The following ARHGAP18 variants were observed in gnomAD, a reference collection of about 807,000 sequenced individuals.
ARHGAP18 encodes the protein rho GTPase-activating protein 18.
In ARHGAP18, 67 loss-of-function variants were observed where a neutral mutation model predicts 86.2. That is an observed-to-expected ratio of 0.78 (90% CI 0.64 to 0.95). The LOEUF is 0.95. Among genes scored for constraint, ARHGAP18 ranks in the 40% least tolerant of loss-of-function variants. The pLI, the probability that ARHGAP18 is intolerant of heterozygous loss-of-function variation, is 0.00. For synonymous variants in ARHGAP18, 283 were observed against 280.4 expected (o/e 1.01, Z -0.09); for missense variants, 691 against 780.4 (o/e 0.89, Z 1.37).
intron 1 of ARHGAP18, among the ~76,000 whole-genome samples, chr6:129,682,059 A>T (rs1301218582): frequency 6.6e-6 from 1 of 152,216 alleles, no homozygotes; most frequent in Non-Finnish European, 1.5e-5. Context: ...CAGAATCATT[A>T]TGTGGTTTTT....
intron 1 of ARHGAP18, among the ~76,000 whole-genome samples, chr6:129,670,705 T>A (rs930665222): frequency 2.3e-5 from 3 of 133,142 alleles, no homozygotes; most frequent in Non-Finnish European, 4.8e-5. Flanking sequence ...TTTTTTTTTT[T>A]ACTGCCTCCC....
chr6:129,626,506 G>A (rs1789476179), intron 5 of ARHGAP18, among the ~76,000 whole-genome samples: 1 of 151,898 alleles, frequency 6.6e-6, no homozygotes, highest in South Asian at 2.1e-4. Context: ...GAAATTTCAA[G>A]AAAAGCAATC....
chr6:129,695,961 T>A (rs1774609975), intron 1 of ARHGAP18, among the ~76,000 whole-genome samples: 1 of 152,088 alleles, frequency 6.6e-6, no homozygotes, highest in African/African-American at 2.4e-5. Flanking sequence ...TAGTAATAAG[T>A]ATAGTGAGGT....
intron 5 of ARHGAP18, 28 bp downstream of exon 5, chr6:129,629,325 G>C: frequency 6.3e-7 from 1 of 1,595,412 alleles, no homozygotes; most frequent in Non-Finnish European, 8.6e-7. Flanking sequence ...GTACATATAT[G>C]TATATTTATA....
intron 8 of ARHGAP18, among the ~76,000 whole-genome samples, chr6:129,611,325 G>A (rs1788974880): frequency 6.6e-6 from 1 of 151,992 alleles, no homozygotes; most frequent in South Asian, 2.1e-4. Flanking sequence ...GTAATATGGT[G>A]ATTTTGAAAA....
At chr6:129,702,564 G>A (rs1466494903) in intron 1 of ARHGAP18, among the ~76,000 whole-genome samples, 1 of 152,162 alleles carries the variant, frequency 6.6e-6, no homozygotes, top group African/African-American at 2.4e-5. Flanking sequence ...TGTCATACCT[G>A]GTCTAGCAAC....
At position 129,676,980 on chromosome 6, in the gene ARHGAP18, A is replaced by C. The variant is rs965690514; in HGVS notation, c.113+33044T>G. Reference sequence around the variant, plus strand: ...GGAAAATAGAGGATTCCGGGACAGTAACACCGCTGAATTTTTGTATCACTA... The same window carrying C: ...GGAAAATAGAGGATTCCGGGACAGTCACACCGCTGAATTTTTGTATCACTA... On this transcript the variant is annotated intron_variant, in intron 1 of 14. Coordinates refer to ENST00000368149, the MANE Select transcript of ARHGAP18 (RefSeq NM_033515.3). Among the ~76,000 whole-genome samples the C allele has an allele frequency of 2.2e-5, 3 of 138,680 alleles. No individual in the cohort carries two copies. In the East Asian group the frequency reaches 6.4e-4, roughly 29 times the overall value. The allele number at this position is 138,680 out of a possible 152,430, so 91.0% of individuals were successfully genotyped here. A position where few individuals can be genotyped will look rare whatever the true frequency, so the allele number is the denominator to read the frequency against.
rs190006516 is a variant in ARHGAP18, at chr6:129,629,490, G to A, written c.649C>T (p.Leu217=). ...GCAGGCGTCTCCTCAGGTGGGATCA[G>A]CTTCTCTTCACCAACAAGGTTAGAT... ...EASNLVGEEK[L]IPPEETPAPE... Residue 217 remains leucine (L), a synonymous_variant, in exon 5 of 15, where the codon CTG becomes TTG. Coordinates refer to ENST00000368149, the MANE Select transcript of ARHGAP18 (RefSeq NM_033515.3). 5.0e-6 allele frequency: 8 copies of A among 1,613,426 alleles called. No homozygotes were observed. Among genetic ancestry groups the A allele is most frequent in the Non-Finnish European group, 6.8e-6 (8 of 1,179,716 alleles).
chr6:129,657,581 C>T (rs1419550832), intron 1 of ARHGAP18, among the ~76,000 whole-genome samples: 1 of 152,170 alleles, frequency 6.6e-6, no homozygotes, highest in Non-Finnish European at 1.5e-5. Context: ...AAACACAGGG[C>T]AACCATCTGC....
At position 129,600,630 on chromosome 6, in the gene ARHGAP18, A is replaced by T. The variant is rs1257402578; in HGVS notation, c.1572+12T>A. 6.3e-7 allele frequency: 1 copy of T among 1,599,844 alleles called. No individual in the cohort carries two copies. ...TAAACTACTAAGACCAAAGCATATG[A>T]TATATACTTACTGTCCACAGAAGTT... is the stretch of plus-strand genomic sequence containing the variant. On this transcript the variant is annotated intron_variant, in intron 11 of 14. Transcript: ENST00000368149.
intron 1 of ARHGAP18, among the ~76,000 whole-genome samples, chr6:129,643,342 C>T (rs1049506584): frequency 2.6e-5 from 4 of 152,226 alleles, no homozygotes; most frequent in African/African-American, 9.6e-5. Flanking sequence ...ATGCTGTTCT[C>T]GTGATAGTGA....
intron 1 of ARHGAP18, among the ~76,000 whole-genome samples, chr6:129,705,327 T>C (rs1774786845): frequency 6.6e-6 from 1 of 152,330 alleles, no homozygotes; most frequent in East Asian, 1.9e-4. Flanking sequence ...GTAGTAGTTC[T>C]TAAAGCAGAG....
chr6:129,583,981 C>T lies in ARHGAP18; in HGVS notation c.1838+7G>A. The T allele has an allele frequency of 6.2e-7, 1 of 1,612,478 alleles. No individual in the cohort carries two copies. Among genetic ancestry groups the T allele is most frequent in the South Asian group, 1.1e-5 (1 of 90,972 alleles). On this transcript the variant is annotated splice_region_variant and intron_variant, in intron 13 of 14. Transcript: ENST00000368149. ...CATGGCATAATTAACACAAAACAGG[C>T]CTCTACCTTTCTTGGCTGAGAAACC...
chr6:129,580,633 T>G (rs1392215280), intron 13 of ARHGAP18, among the ~76,000 whole-genome samples: 1 of 152,204 alleles, frequency 6.6e-6, no homozygotes, highest in Admixed American at 6.5e-5. Flanking sequence ...ATGCCTGTAA[T>G]CCCAGCACTT....
intron 5 of ARHGAP18, among the ~76,000 whole-genome samples, chr6:129,628,926 A>T (rs35079787): frequency 0.24 from 36,397 of 152,122 alleles, 4,647 homozygotes; most frequent in Non-Finnish European, 0.28. Context: ...ATTTCTTAAG[A>T]ATTAAACTTT....
At chr6:129,595,912 T>C (rs1788607280) in intron 12 of ARHGAP18, among the ~76,000 whole-genome samples, 1 of 152,120 alleles carries the variant, frequency 6.6e-6, no homozygotes, top group Non-Finnish European at 1.5e-5. Context: ...CCTACATGAT[T>C]TCCATCAGGA....
chr6:129,591,019 C>G (rs1341066894), intron 12 of ARHGAP18, among the ~76,000 whole-genome samples: 1 of 152,110 alleles, frequency 6.6e-6, no homozygotes, highest in African/African-American at 2.4e-5. Context: ...GAAGTTTTTG[C>G]TGGATATCTT....
At chr6:129,703,921 A>T in intron 1 of ARHGAP18, among the ~76,000 whole-genome samples, 1 of 152,212 alleles carries the variant, frequency 6.6e-6, no homozygotes, top group East Asian at 1.9e-4. Context: ...AAATTTAAAT[A>T]TTACACAATT....
At chr6:129,589,060 C>T (rs1158245239) in intron 12 of ARHGAP18, among the ~76,000 whole-genome samples, 2 of 152,192 alleles carry the variant, frequency 1.3e-5, no homozygotes, top group East Asian at 3.9e-4. Context: ...CCTCCTAGCC[C>T]TCCCTCTGTG....
Sources: gnomAD v4.1 joint callset for allele counts (sites outside exome capture counted in the v4.1 genomes callset) on GRCh38, gnomAD v4.1.1 for gene constraint, MANE v1.5 for transcripts, NCBI Gene and HGNC (gene_info 2026-07-23, HGNC 2026-07-21) for gene names.